ZDHHC3: variants seen among roughly 807,000 people sequenced by gnomAD.
ZDHHC3 encodes zDHHC palmitoyltransferase 3, also known as palmitoyltransferase ZDHHC3.
ZDHHC3 carries 9 observed loss-of-function variants against 30.6 expected under a neutral mutation model. The ratio of observed to expected loss-of-function variants is 0.29; its 90% CI spans 0.18 to 0.51. The LOEUF (loss-of-function observed/expected upper bound fraction) is 0.51. Among genes scored for constraint, ZDHHC3 ranks in the 20% least tolerant of loss-of-function variants. The pLI, the probability that ZDHHC3 is intolerant of heterozygous loss-of-function variation, is 0.97. For missense variants in ZDHHC3, 246 were observed against 384.2 expected (o/e 0.64, Z 3.01); for synonymous variants, 136 against 140.2 (o/e 0.97, Z 0.21).
intron 2 of ZDHHC3, among the ~76,000 whole-genome samples, chr3:44,951,652 C>T (rs1475801530): frequency 6.6e-6 from 1 of 152,174 alleles, no homozygotes; most frequent in African/African-American, 2.4e-5. Context: ...GTGTTCTTAG[C>T]AGGCTCTGAG....
intron 2 of ZDHHC3, among the ~76,000 whole-genome samples, chr3:44,955,868 A>C (rs1232054469): frequency 6.6e-6 from 1 of 152,194 alleles, no homozygotes; most frequent in Non-Finnish European, 1.5e-5. Flanking sequence ...TGAAGACCCT[A>C]AAATAGGGCA....
Position 44,926,783 on chromosome 3 carries a change from T to G in ZDHHC3, c.806A>C (p.Lys269Thr). 6.2e-7 allele frequency: 1 copy of G among 1,613,878 alleles called. No homozygotes were observed. The highest frequency in any genetic ancestry group is 8.5e-7 in the Non-Finnish European group (1 of 1,179,960). Reference protein sequence around the residue: ...WAKKTKWMNMKAVFGHPFSLG... With the variant: ...WAKKTKWMNMTAVFGHPFSLG... The stretch of plus-strand genomic sequence containing the variant: ...AGAGAAGGGGTGGCCAAAAACGGCT[T>G]TCATGTTCATCCATTTTGTTTTTTT... The change falls in exon 7 of 7, where the codon AAA becomes ACA. Residue 269 changes from lysine (K) to threonine (T), a missense_variant. By Grantham distance (78) the Lys-to-Thr change is moderately conservative (BLOSUM62 -1). Coordinates refer to ENST00000424952, the MANE Select transcript of ZDHHC3 (RefSeq NM_001135179.2).
intron 1 of ZDHHC3, among the ~76,000 whole-genome samples, chr3:44,973,088 G>A (rs1705539129): frequency 6.6e-6 from 1 of 152,190 alleles, no homozygotes; most frequent in Non-Finnish European, 1.5e-5. Flanking sequence ...CACATTCCAT[G>A]TTCCTCTAGA....
rs1700529444 is a variant in ZDHHC3, at chr3:44,920,668, G to C, written c.*6021C>G. Reference sequence around the variant, plus strand: ...CAGTTCTACTGCAAATCACCACTGTGCCCAGGCTGAGCTCAGTCAGAGAGA... The same window carrying C: ...CAGTTCTACTGCAAATCACCACTGTCCCCAGGCTGAGCTCAGTCAGAGAGA... On this transcript the variant is annotated 3_prime_UTR_variant, in exon 7 of 7. Coordinates refer to ENST00000424952, the MANE Select transcript of ZDHHC3 (RefSeq NM_001135179.2). 11 of 985,332 alleles carry C rather than the reference G, an allele frequency of 1.1e-5. No individual in the cohort carries two copies. The highest frequency in any genetic ancestry group is 1.1e-5 in the Non-Finnish European group (9 of 829,926). 61.0% of individuals were successfully genotyped at this position (985,332 alleles called of 1,614,324 possible).
rs542494187 is a variant in ZDHHC3, at chr3:44,959,355, G to T, written c.82C>A (p.Pro28Thr). 1 of 1,614,110 alleles carries T rather than the reference G, an allele frequency of 6.2e-7. No individual in the cohort carries two copies. Among genetic ancestry groups the T allele is most frequent in the Admixed American group, 1.7e-5 (1 of 60,012 alleles). The stretch of plus-strand genomic sequence containing the variant: ...ATGGTTCCCACAGGACCAGGGTAGG[G>T]GGGTGGGACACACTTCTCTGGCTGG... ...YLQPEKCVPP[P>T]YPGPVGTMWF... is the part of the protein sequence containing the mutation. Residue 28 changes from proline to threonine, a missense_variant, in exon 2 of 7, where the codon CCC becomes ACC. Physicochemically the swap from Pro to Thr is conservative, Grantham distance 38 (BLOSUM62 -1). Coordinates refer to ENST00000424952, the MANE Select transcript of ZDHHC3 (RefSeq NM_001135179.2). The surrounding 1 kb of genome is among the most constrained non-coding windows in gnomAD (Gnocchi z 4.3).
At chr3:44,963,784 A>T (rs1704688781) in intron 1 of ZDHHC3, among the ~76,000 whole-genome samples, 8 of 152,182 alleles carry the variant, frequency 5.3e-5, no homozygotes, top group Admixed American at 5.2e-4. Context: ...TGCTCTCAGA[A>T]GGGCAGCCTC....
At position 44,959,162 on chromosome 3, in the gene ZDHHC3, G is replaced by T. The variant is rs377132916; in HGVS notation, c.275C>A (p.Ala92Asp). The T allele has an allele frequency of 6.2e-7, 1 of 1,614,124 alleles. No individual in the cohort carries two copies. Among genetic ancestry groups the T allele is most frequent in the Non-Finnish European group, 8.5e-7 (1 of 1,180,050 alleles). The change falls in exon 2 of 7, where the codon GCC (alanine) becomes GAC (aspartate). Residue 92 changes from alanine (A) to aspartate (D), a missense_variant. Physicochemically the swap from Ala to Asp is moderately radical, Grantham distance 126. Transcript: ENST00000424952. This position sits in a 1 kb window ranked among gnomAD's most constrained non-coding sequence, Gnocchi z 4.3. ...VFNLLAFLAL[A>D]SHCRAMLTDP... Reference sequence around the variant, plus strand: ...CGTCAGCATGGCCCGGCAGTGGGAGGCCAGGGCCAAGAAGGCCAGCAGGTT... The same window carrying T: ...CGTCAGCATGGCCCGGCAGTGGGAGTCCAGGGCCAAGAAGGCCAGCAGGTT...
At chr3:44,930,906 C>A (rs1701435219) in intron 5 of ZDHHC3, among the ~76,000 whole-genome samples, 2 of 152,072 alleles carry the variant, frequency 1.3e-5, no homozygotes, top group Admixed American at 6.6e-5. Context: ...GCAGACACCA[C>A]GAGGTACAAA....
At chr3:44,965,871 GA>G (rs1704904390) in intron 1 of ZDHHC3, among the ~76,000 whole-genome samples, 1 of 152,250 alleles carries the variant, frequency 6.6e-6, no homozygotes, top group African/African-American at 2.4e-5. Context: ...CAAATCTTTG[GA>G]AGCACCTCAA....
In ZDHHC3 at chr3:44,918,540, C is replaced by T. The variant is rs1700369018; in HGVS notation, c.*8149G>A. ...GAGGCCACTACAAACTGGTGATCCC[C>T]TCCTAAATATTTTTGGCCACTCCCA... On this transcript the variant is annotated 3_prime_UTR_variant, in exon 7 of 7. Transcript: ENST00000424952. 1.0e-6 allele frequency: 1 copy of T among 985,304 alleles called. No individual in the cohort carries two copies. Among genetic ancestry groups the T allele is most frequent in the South Asian group, 4.7e-5 (1 of 21,294 alleles). The allele number at this position is 985,304 out of a possible 1,614,324, so 61.0% of individuals were successfully genotyped here.
Position 44,922,549 on chromosome 3 carries a change from G to C in ZDHHC3, c.*4140C>G. ...AGTGGCTTCTCCGCGGAGGGAACAC[G>C]TGCCTGTCTCACAATCAGCACACCC... On this transcript the variant is annotated 3_prime_UTR_variant, in exon 7 of 7. Transcript: ENST00000424952. 1 of 985,390 alleles carries C rather than the reference G, an allele frequency of 1.0e-6. No individual in the cohort carries two copies. The highest frequency in any genetic ancestry group is 1.2e-6 in the Non-Finnish European group (1 of 829,934). The allele number at this position is 985,390 out of a possible 1,614,324, so 61.0% of individuals were successfully genotyped here. A position where few individuals can be genotyped will look rare whatever the true frequency, so the allele number is the denominator to read the frequency against.
Position 44,922,095 on chromosome 3 carries a change from G to C in ZDHHC3, c.*4594C>G. 1.0e-6 allele frequency: 1 copy of C among 985,448 alleles called. No individual in the cohort carries two copies. Among genetic ancestry groups the C allele is most frequent in the Non-Finnish European group, 1.2e-6 (1 of 829,936 alleles). The allele number at this position is 985,448 out of a possible 1,614,324, so 61.0% of individuals were successfully genotyped here. Reference sequence around the variant, plus strand: ...GGGTGAGAAAAAGAAGGTTCAGGTTGGGAGTACGCTGGTCAGTGGCTTGTT... The same window carrying C: ...GGGTGAGAAAAAGAAGGTTCAGGTTCGGAGTACGCTGGTCAGTGGCTTGTT... On this transcript the variant is annotated 3_prime_UTR_variant, in exon 7 of 7. Transcript: ENST00000424952.
chr3:44,920,954 A>C lies in ZDHHC3; in HGVS notation c.*5735T>G. ...CTGAGGGCTGCTTTTTCCTGGTAGGACTCAATTTTGAGTTTTGTGTGGATT... is the reference window on the plus strand; with the variant it reads ...CTGAGGGCTGCTTTTTCCTGGTAGGCCTCAATTTTGAGTTTTGTGTGGATT... On this transcript the variant is annotated 3_prime_UTR_variant, in exon 7 of 7. Transcript: ENST00000424952. 1 of 985,386 alleles carries C rather than the reference A, an allele frequency of 1.0e-6. No homozygotes were observed. Among genetic ancestry groups the C allele is most frequent in the Non-Finnish European group, 1.2e-6 (1 of 829,920 alleles). 61.0% of individuals were successfully genotyped at this position (985,386 alleles called of 1,614,324 possible).
chr3:44,936,494 C>A (rs748888234), intron 3 of ZDHHC3, among the ~76,000 whole-genome samples: 1 of 152,194 alleles, frequency 6.6e-6, no homozygotes, highest in Non-Finnish European at 1.5e-5. Flanking sequence ...ACCCAGCAAT[C>A]CCATTACTGG....
At chr3:44,972,598 C>A (rs1048866002) in intron 1 of ZDHHC3, among the ~76,000 whole-genome samples, 1 of 152,166 alleles carries the variant, frequency 6.6e-6, no homozygotes, top group African/African-American at 2.4e-5. Context: ...TTATTGTTGC[C>A]GGCTTGTGGC....
intron 2 of ZDHHC3, among the ~76,000 whole-genome samples, chr3:44,952,947 G>A (rs1243298611): frequency 6.6e-6 from 1 of 152,202 alleles, no homozygotes; most frequent in Non-Finnish European, 1.5e-5. Context: ...GACAACATCT[G>A]TCAACTTGTA....
Position 44,926,258 on chromosome 3 carries a change from G to A in ZDHHC3, c.*431C>T. On this transcript the variant is annotated 3_prime_UTR_variant, in exon 7 of 7. Transcript: ENST00000424952. Reference sequence around the variant, plus strand: ...ATGTCCCATCGGGGAGCCCGCCACTGCCTCCTGGGCAGTGGGAGGTCAGGG... The same window carrying A: ...ATGTCCCATCGGGGAGCCCGCCACTACCTCCTGGGCAGTGGGAGGTCAGGG... 1 of 987,472 alleles carries A rather than the reference G, an allele frequency of 1.0e-6. No homozygotes were observed. The highest frequency in any genetic ancestry group is 1.2e-6 in the Non-Finnish European group (1 of 831,358). 61.2% of individuals were successfully genotyped at this position (987,472 alleles called of 1,614,324 possible).
At chr3:44,943,413 C>T (rs571156173) in intron 3 of ZDHHC3, among the ~76,000 whole-genome samples, 5 of 152,252 alleles carry the variant, frequency 3.3e-5, no homozygotes, top group East Asian at 1.9e-4. Context: ...AGATGACTGA[C>T]GCTGAGGCAG....
In ZDHHC3 at chr3:44,958,260, G is replaced by A. The variant is rs148295846; in HGVS notation, c.306+871C>T. 3.9e-4 allele frequency among the ~76,000 whole-genome samples: 59 copies of A among 152,244 alleles called. 1 individual carries two copies. In the South Asian group the frequency reaches 6.6e-3, roughly 17 times the overall value. ...ACCACCTGAACCGGCAGGAAATGGA[G>A]CCCTTTGAGACAAGAACTAGCTCAG... is the stretch of plus-strand genomic sequence containing the variant. On this transcript the variant is annotated intron_variant, in intron 2 of 6. Transcript: ENST00000424952.
Sources: allele counts gnomAD v4.1 joint callset (sites outside exome capture counted in the v4.1 genomes callset), GRCh38; gene constraint gnomAD v4.1.1; non-coding constraint Gnocchi (gnomAD v3.1); transcripts MANE v1.5; gene names NCBI Gene and HGNC (gene_info 2026-07-23, HGNC 2026-07-21).